WRAP73: variants seen among roughly 807,000 people sequenced by gnomAD.
WRAP73 encodes WD repeat containing, antisense to TP73, also known as WD repeat-containing protein WRAP73.
In WRAP73, 55 loss-of-function variants were observed where a neutral mutation model predicts 59.6. The observed-to-expected ratio is 0.92, with a 90% CI of 0.74 to 1.15. The LOEUF is 1.15. Among genes scored for constraint, WRAP73 ranks in the 50% most tolerant of loss-of-function variants. The pLI is 0.00. For synonymous variants in WRAP73, 265 were observed against 258.2 expected (o/e 1.03, Z -0.25); for missense variants, 592 against 608.1 (o/e 0.97, Z 0.28).
At chr1:3,647,358 C>T (rs750727933) in intron 2 of WRAP73, 50 bp downstream of exon 2, 3 of 1,548,046 alleles carry the variant, frequency 1.9e-6, no homozygotes, top group African/African-American at 2.8e-5. Flanking sequence ...CCCTCCTTCC[C>T]AGGGGCCCTC....
chr1:3,636,439 A>G (rs1242905477), intron 5 of WRAP73: 1 of 295,922 alleles, frequency 3.4e-6, no homozygotes, highest in African/African-American at 2.2e-5. Flanking sequence ...TCATGTGCAC[A>G]CTCTCCCCCT....
At position 3,646,807 on chromosome 1, in the gene WRAP73, C is replaced by A. The variant is rs764312730; in HGVS notation, c.223-25G>T. On this transcript the variant is annotated intron_variant, in intron 2 of 11. Coordinates refer to ENST00000270708, the MANE Select transcript of WRAP73 (RefSeq NM_017818.4). The surrounding 1 kb of genome is among the most constrained non-coding windows in gnomAD (Gnocchi z 5.1). The stretch of plus-strand genomic sequence containing the variant: ...CCTGGATTGAGAGAAGAAAGAAACA[C>A]ACAAGTGCAAACTCATCAGCACCGA... 3.2e-5 allele frequency: 51 copies of A among 1,597,408 alleles called. 1 individual carries two copies. The African/African-American group carries it at 6.6e-4, about 21-fold the overall frequency.
intron 3 of WRAP73, among the ~76,000 whole-genome samples, chr1:3,643,553 CTCAGCGGCCCCACTAACCCCCGAA>C (rs1025296267): frequency 1.3e-5 from 2 of 151,872 alleles, no homozygotes; most frequent in African/African-American, 4.8e-5. Flanking sequence ...CGCAAGTGGA[CTCAGCGGCCCCACTAACCCCCGAA>C]ATGGGGTCGC....
chr1:3,636,371 C>G (rs1644589626), intron 5 of WRAP73: 4 of 337,870 alleles, frequency 1.2e-5, no homozygotes, highest in African/African-American at 6.4e-5. Flanking sequence ...CACTCTCCCC[C>G]TCACCTTTCC....
At chr1:3,643,348 TG>T (rs1644664109) in intron 3 of WRAP73, among the ~76,000 whole-genome samples, 1 of 152,016 alleles carries the variant, frequency 6.6e-6, no homozygotes, top group African/African-American at 2.4e-5. Flanking sequence ...TGCCCTCAGG[TG>T]GGGAGGGCAT....
chr1:3,647,522 C>T lies in WRAP73; in HGVS notation c.108G>A (p.Val36=), dbSNP rs944613685. 3 of 1,613,770 alleles carry T rather than the reference C, an allele frequency of 1.9e-6. No homozygotes were observed. The African/African-American group carries it at 4.0e-5, about 22-fold the overall frequency. ...ACAGCTGAAGGATCTGAAGGGTGTT[C>T]ACATCCCGGACCACTAACCGGTACT... ...CVQYRLVVRD[V]NTLQILQLYT... is the part of the protein sequence containing the mutation. Residue 36 remains valine, a synonymous_variant, in exon 2 of 12, where the codon GTG becomes GTA. Transcript: ENST00000270708.
chr1:3,650,057 GCGC>G lies in WRAP73; in HGVS notation c.-61_-59del. On this transcript the variant is annotated 5_prime_UTR_variant, in exon 1 of 12. Coordinates refer to ENST00000270708, the MANE Select transcript of WRAP73 (RefSeq NM_017818.4). ...CCGAAAACCCGCGGGACCCCTGGGC[GCGC>G]AGCAGGCTGCAACAGCCGACGCCGG... The G allele has an allele frequency of 1.3e-6, 2 of 1,482,864 alleles. No individual in the cohort carries two copies. The highest frequency in any genetic ancestry group is 2.3e-5 in the Admixed American group (1 of 44,088). 91.9% of individuals were successfully genotyped at this position (1,482,864 alleles called of 1,614,324 possible).
At chr1:3,638,030 T>A (rs961428664) in intron 4 of WRAP73, among the ~76,000 whole-genome samples, 8 of 152,232 alleles carry the variant, frequency 5.3e-5, no homozygotes, top group Admixed American at 1.3e-4. Flanking sequence ...GGGACGCTAA[T>A]ATTCCAACTA....
At chr1:3,638,193 A>G (rs913081478) in intron 4 of WRAP73, among the ~76,000 whole-genome samples, 2 of 152,240 alleles carry the variant, frequency 1.3e-5, no homozygotes, top group African/African-American at 4.8e-5. Flanking sequence ...GGCACCTCCC[A>G]CTAGCTCTGC....
rs766756054 is a variant in WRAP73 at position 3,637,102 on chromosome 1, TG to T, written c.413-5del. 2 of 1,604,034 alleles carry T rather than the reference TG, an allele frequency of 1.2e-6. No homozygotes were observed. The highest frequency in any genetic ancestry group is 1.1e-5 in the South Asian group (1 of 89,556). ...CCGTCCCTGGTGAAGGTGATTCCTG[TG>T]GGAAGAGGCAAATGCACTGAAATCA... On this transcript the variant is annotated splice_polypyrimidine_tract_variant and splice_region_variant and intron_variant, in intron 4 of 11. Transcript: ENST00000270708.
At chr1:3,631,329 G>T (rs1644530381) in intron 11 of WRAP73, 137 bp downstream of exon 11, 7 of 1,336,036 alleles carry the variant, frequency 5.2e-6, no homozygotes, top group Non-Finnish European at 7.2e-6. Context: ...CCGTCTTGAG[G>T]TTTACGCAAA....
rs1253023144 is a variant in WRAP73, at chr1:3,646,175, C to T, written c.339+491G>A. 6.6e-6 allele frequency among the ~76,000 whole-genome samples: 1 copy of T among 152,192 alleles called. No individual in the cohort carries two copies. Among genetic ancestry groups the T allele is most frequent in the African/African-American group, 2.4e-5 (1 of 41,450 alleles). Reference sequence around the variant, plus strand: ...TCAGACCCAGGGCAGCAGACAGTGCCTGTGTTCACGACACCCTTATCTGAC... The same window carrying T: ...TCAGACCCAGGGCAGCAGACAGTGCTTGTGTTCACGACACCCTTATCTGAC... On this transcript the variant is annotated intron_variant, in intron 3 of 11. Transcript: ENST00000270708. The surrounding 1 kb of genome is among the most constrained non-coding windows in gnomAD (Gnocchi z 5.1).
At chr1:3,645,235 A>G (rs922436546) in intron 3 of WRAP73, among the ~76,000 whole-genome samples, 3 of 152,072 alleles carry the variant, frequency 2.0e-5, no homozygotes, top group African/African-American at 7.2e-5. Flanking sequence ...GCCGAATGAA[A>G]CCCTACAGAG....
chr1:3,645,224 A>C (rs1644677473), intron 3 of WRAP73, among the ~76,000 whole-genome samples: 1 of 152,256 alleles, frequency 6.6e-6, no homozygotes, highest in African/African-American at 2.4e-5. Context: ...GCTTGAAAAA[A>C]GCCGAATGAA....
At chr1:3,636,876 TACA>T (rs1644593506) in intron 5 of WRAP73, 116 bp downstream of exon 5, 1 of 1,077,554 alleles carries the variant, frequency 9.3e-7, no homozygotes, top group South Asian at 1.3e-5. Flanking sequence ...CCTTTGTTAA[TACA>T]ACATCACCTT....
chr1:3,648,216 G>A (rs1179346951), intron 1 of WRAP73, among the ~76,000 whole-genome samples: 5 of 152,110 alleles, frequency 3.3e-5, no homozygotes, highest in Non-Finnish European at 7.4e-5. Flanking sequence ...GTCCATATTT[G>A]TTCATTATGT....
chr1:3,632,415 T>C (rs1644545614), intron 9 of WRAP73, 77 bp from the exon 10 acceptor site: 3 of 1,607,328 alleles, frequency 1.9e-6, no homozygotes, highest in African/African-American at 1.3e-5. Context: ...CTGCTGTGCC[T>C]GCATCGGGCA....
Position 3,637,241 on chromosome 1 carries a change from TCAGA to T in WRAP73, c.413-147_413-144del, listed in dbSNP as rs1476892147. On this transcript the variant is annotated intron_variant, in intron 4 of 11. Coordinates refer to ENST00000270708, the MANE Select transcript of WRAP73 (RefSeq NM_017818.4). ...ATGGCACAATGCCGAGCACTGCTCCTCAGACAGACAAGAACATTCTAGCGCAGAG... is the reference window on the plus strand; with the variant it reads ...ATGGCACAATGCCGAGCACTGCTCCTCAGACAAGAACATTCTAGCGCAGAG... 5.8e-6 allele frequency: 4 copies of T among 693,528 alleles called. No individual in the cohort carries two copies. In the Admixed American group the frequency reaches 7.6e-5, roughly 13 times the overall value. 43.0% of individuals were successfully genotyped at this position (693,528 alleles called of 1,614,324 possible).
chr1:3,631,979 G>A (rs973937707), intron 10 of WRAP73: 10 of 1,417,174 alleles, frequency 7.1e-6, no homozygotes, highest in African/African-American at 4.3e-5. Context: ...TCAGCAGAGT[G>A]GAGCAAGTGA....
Sources: gnomAD v4.1 joint callset for allele counts (sites outside exome capture counted in the v4.1 genomes callset) on GRCh38, gnomAD v4.1.1 for gene constraint, Gnocchi (gnomAD v3.1) non-coding constraint, MANE v1.5 for transcripts, NCBI Gene and HGNC (gene_info 2026-07-23, HGNC 2026-07-21) for gene names.